DNAH5: variants seen among roughly 807,000 people sequenced by gnomAD.
The protein encoded by DNAH5 is dynein axonemal heavy chain 5.
A neutral mutation model predicts 518.2 loss-of-function variants in DNAH5; 372 were observed. The observed-to-expected ratio is 0.72, with a 90% CI of 0.66 to 0.78. DNAH5 has a LOEUF of 0.78. Ranked by LOEUF, DNAH5 falls within the 30% of genes least tolerant of loss-of-function variation. DNAH5 has a pLI of 0.00. For synonymous variants in DNAH5, 2,039 were observed against 2,025.9 expected (o/e 1.01, Z -0.17); for missense variants, 5,523 against 5,687.0 (o/e 0.97, Z 0.93).
intron 1 of DNAH5, among the ~76,000 whole-genome samples, chr5:13,953,243 G>C (rs1780550487): frequency 6.6e-6 from 1 of 152,172 alleles, no homozygotes; most frequent in Non-Finnish European, 1.5e-5. Context: ...TGACGGAGCA[G>C]AGGTGAAATG....
chr5:13,960,831 C>T (rs146339021), intron 1 of DNAH5, among the ~76,000 whole-genome samples: 37 of 152,374 alleles, frequency 2.4e-4, no homozygotes, highest in Non-Finnish European at 4.7e-4. Context: ...ATGCTCAGCA[C>T]ATAGGTGCCC....
chr5:13,842,423 AAAAGAAAGAAAGAAAG>A (rs77171541), intron 32 of DNAH5, among the ~76,000 whole-genome samples: 2,344 of 75,948 alleles, frequency 0.031, 130 homozygotes, highest in Middle Eastern at 0.063. Context: ...AAAAGAAAAG[AAAAGAAAGAAAGAAAG>A]AAAGAAAGAA....
intron 1 of DNAH5, among the ~76,000 whole-genome samples, chr5:13,987,440 C>T (rs1367058814): frequency 6.6e-6 from 1 of 152,058 alleles, no homozygotes; most frequent in Non-Finnish European, 1.5e-5. Flanking sequence ...GTGACAGCTA[C>T]TTTAGCCACA....
intron 52 of DNAH5, among the ~76,000 whole-genome samples, chr5:13,784,665 G>C (rs1048868008): frequency 6.6e-6 from 1 of 152,180 alleles, no homozygotes; most frequent in Non-Finnish European, 1.5e-5. Context: ...TTGTAATTGT[G>C]CAGTGGTTCC....
intron 1 of DNAH5, among the ~76,000 whole-genome samples, chr5:13,955,659 G>A (rs192194246): frequency 1.7e-4 from 26 of 152,126 alleles, no homozygotes; most frequent in African/African-American, 6.3e-4. Context: ...AACTAAGGCT[G>A]AAGGCAATTT....
chr5:14,003,837 A>G lies in DNAH5; in HGVS notation c.12+7811T>C, dbSNP rs534113182. Reference sequence around the variant, plus strand: ...AGGCCACCCTGCTGGGAGCAGGCCCAAAGTGACCCATGTGAAGACACCACA... The same window carrying G: ...AGGCCACCCTGCTGGGAGCAGGCCCGAAGTGACCCATGTGAAGACACCACA... On this transcript the variant is annotated intron_variant, in intron 1 of 78. Coordinates refer to the DNAH5 transcript ENST00000681290. Among the ~76,000 whole-genome samples the G allele has an allele frequency of 3.3e-3, 502 of 152,326 alleles. 4 individuals carry two copies. The highest frequency in any genetic ancestry group is 0.011 in the African/African-American group (475 of 41,580).
At chr5:13,711,764 C>A (rs1743505643) in intron 75 of DNAH5, among the ~76,000 whole-genome samples, 1 of 152,128 alleles carries the variant, frequency 6.6e-6, no homozygotes, top group Admixed American at 6.5e-5. Context: ...GAACGCAACC[C>A]CTTTTACAAT....
At chr5:13,846,277 C>T (rs1765995806) in intron 31 of DNAH5, among the ~76,000 whole-genome samples, 3 of 152,122 alleles carry the variant, frequency 2.0e-5, no homozygotes, top group African/African-American at 7.2e-5. Context: ...CCAATCCTCA[C>T]CCTCCTGCCA....
At chr5:13,724,325 A>G (rs75770003) in intron 70 of DNAH5, among the ~76,000 whole-genome samples, 5,841 of 152,290 alleles carry the variant, frequency 0.038, 383 homozygotes, top group African/African-American at 0.13. Context: ...CATAGGGCCT[A>G]CTATTCCTTT....
chr5:13,742,878 T>C (rs554074461), intron 65 of DNAH5, among the ~76,000 whole-genome samples: 2 of 152,148 alleles, frequency 1.3e-5, no homozygotes, highest in African/African-American at 4.8e-5. Flanking sequence ...GGCCAAATAC[T>C]TGGGCTCTAG....
chr5:13,980,248 A>G (rs1782580152), intron 1 of DNAH5, among the ~76,000 whole-genome samples: 1 of 151,956 alleles, frequency 6.6e-6, no homozygotes, highest in Non-Finnish European at 1.5e-5. Flanking sequence ...CAGACCTTTA[A>G]GGTTATGTTG....
intron 1 of DNAH5, among the ~76,000 whole-genome samples, chr5:13,952,077 C>T (rs1446429881): frequency 1.3e-5 from 2 of 152,256 alleles, no homozygotes; most frequent in South Asian, 2.1e-4. Context: ...CTAAAAGCAA[C>T]GAAGAATCAC....
intron 32 of DNAH5, 139 bp from the exon 33 acceptor site, chr5:13,842,043 A>C (rs1029176238): frequency 5.9e-5 from 36 of 607,224 alleles, no homozygotes; most frequent in Non-Finnish European, 1.0e-4. Context: ...AAACTACTTC[A>C]AAACAATAAA....
At chr5:13,992,694 G>A (rs1783643661) in intron 1 of DNAH5, among the ~76,000 whole-genome samples, 2 of 152,068 alleles carry the variant, frequency 1.3e-5, no homozygotes, top group African/African-American at 4.8e-5. Context: ...TCGAGTGATC[G>A]GTATTCCACT....
chr5:13,812,283 G>A (rs1350477456), intron 43 of DNAH5, among the ~76,000 whole-genome samples: 1 of 152,088 alleles, frequency 6.6e-6, no homozygotes, highest in Non-Finnish European at 1.5e-5. Context: ...AATAAAAGAT[G>A]AACAAAGGAA....
intron 31 of DNAH5, among the ~76,000 whole-genome samples, chr5:13,847,782 GTC>G (rs1178381775): frequency 2.6e-5 from 4 of 151,122 alleles, no homozygotes; most frequent in African/African-American, 9.8e-5. Context: ...GTGTGTGTGT[GTC>G]TGTCTGTCTG....
chr5:13,701,139 G>A (rs1742052075), intron 77 of DNAH5, 145 bp downstream of exon 77: 5 of 1,109,336 alleles, frequency 4.5e-6, no homozygotes, highest in Non-Finnish European at 6.7e-6. Flanking sequence ...CAACTGGCTG[G>A]GATTTATGTA....
Position 13,708,222 on chromosome 5 carries a change from C to T in DNAH5, c.13239G>A (p.Glu4413=), listed in dbSNP as rs1209256309. ...VLSLVRSTLT[E]LKLAIDGTII... is the part of the protein sequence containing the mutation. ...TGGTGCCATCAATAGCAAGTTTCAGCTCAGTGAGGGTGCTGCGGACAAGGC... is the reference window on the plus strand; with the variant it reads ...TGGTGCCATCAATAGCAAGTTTCAGTTCAGTGAGGGTGCTGCGGACAAGGC... Residue 4413 remains glutamate, a synonymous_variant, in exon 76 of 79, where the codon GAG becomes GAA. Transcript: ENST00000265104. 3 of 1,614,180 alleles carry T rather than the reference C, an allele frequency of 1.9e-6. No homozygotes were observed. The highest frequency in any genetic ancestry group is 2.5e-6 in the Non-Finnish European group (3 of 1,180,018).
chr5:13,814,343 C>T (rs556709887), intron 43 of DNAH5, among the ~76,000 whole-genome samples: 1 of 152,262 alleles, frequency 6.6e-6, no homozygotes, highest in South Asian at 2.1e-4. Flanking sequence ...TTTGGCAACA[C>T]TGTTGGTTCA....
Sources: gnomAD v4.1 joint callset for allele counts (sites outside exome capture counted in the v4.1 genomes callset) on GRCh38, gnomAD v4.1.1 for gene constraint, MANE v1.5 for transcripts, NCBI Gene and HGNC (gene_info 2026-07-23, HGNC 2026-07-21) for gene names.